The following NR6A1 variants were observed in gnomAD, a reference collection of about 807,000 sequenced individuals.
The protein encoded by NR6A1 is nuclear receptor subfamily 6 group A member 1.
In NR6A1, 7 loss-of-function variants were observed where a neutral mutation model predicts 59.1. That is an observed-to-expected ratio of 0.12 (90% confidence interval 0.07 to 0.22). The LOEUF is 0.22. Ranked by LOEUF, NR6A1 falls within the 10% of genes least tolerant of loss-of-function variation. The pLI is 1.00. For synonymous variants in NR6A1, 243 were observed against 236.1 expected, an observed-to-expected ratio of 1.03 and a Z score of -0.27; for missense variants, 468 against 611.6, an observed-to-expected ratio of 0.77 and a Z score of 2.48.
Position 124,771,056 on chromosome 9 carries a change from C to T in NR6A1, c.64G>A (p.Glu22Lys). The T allele has an allele frequency of 8.1e-7, 1 of 1,230,554 alleles. No homozygotes were observed. Among genetic ancestry groups the T allele is most frequent in the Non-Finnish European group, 1.0e-6 (1 of 987,188 alleles). 76.2% of individuals were successfully genotyped at this position (1,230,554 alleles called of 1,614,324 possible). The change falls in exon 1 of 10, where the codon GAG becomes AAG. Residue 22 changes from glutamate to lysine, a missense_variant. By Grantham distance (56) the Glu-to-Lys change is moderately conservative. Transcript: ENST00000487099. Reference sequence around the variant, plus strand: ...GGCGGAGGGAGCGCGGCGGGAGGCTCCAGGAACCCCGCCGAGCCCCCGCCG... The same window carrying T: ...GGCGGAGGGAGCGCGGCGGGAGGCTTCAGGAACCCCGCCGAGCCCCCGCCG... ...GGGGGSAGFL[E>K]PPAALPPPPR... is the part of the protein sequence containing the mutation.
chr9:124,751,736 C>A (rs1840503646), intron 1 of NR6A1, among the ~76,000 whole-genome samples: 4 of 152,116 alleles, frequency 2.6e-5, no homozygotes, highest in Non-Finnish European at 5.9e-5. Flanking sequence ...AGAGATATGG[C>A]TAGCATAGAC....
intron 2 of NR6A1, among the ~76,000 whole-genome samples, chr9:124,590,712 C>CAATG (rs1388628054): frequency 6.6e-6 from 1 of 152,182 alleles, no homozygotes; most frequent in Non-Finnish European, 1.5e-5. Context: ...GTTAGTAAGG[C>CAATG]AATGATTAGC....
intron 2 of NR6A1, chr9:124,599,415 G>T (rs1454736189): frequency 5.4e-6 from 2 of 370,786 alleles, no homozygotes; most frequent in East Asian, 8.1e-5. Flanking sequence ...GCGATACATG[G>T]TCTCAAAAAA....
chr9:124,725,986 G>A (rs1314187267), intron 2 of NR6A1, among the ~76,000 whole-genome samples: 1 of 152,050 alleles, frequency 6.6e-6, no homozygotes, highest in Non-Finnish European at 1.5e-5. Context: ...GCTACTTAAG[G>A]GAAAAGAAGG....
chr9:124,604,004 C>G (rs1264626847), intron 2 of NR6A1, among the ~76,000 whole-genome samples: 1 of 152,202 alleles, frequency 6.6e-6, no homozygotes, highest in Non-Finnish European at 1.5e-5. Flanking sequence ...AAAAATTGAA[C>G]TCTCTAAGGA....
At chr9:124,703,808 G>C (rs963271867) in intron 2 of NR6A1, among the ~76,000 whole-genome samples, 2 of 148,706 alleles carry the variant, frequency 1.3e-5, no homozygotes, top group Non-Finnish European at 3.0e-5. Context: ...ATTTGTTAAG[G>C]ATTAGTATTA....
chr9:124,736,383 C>T (rs1840020872), intron 1 of NR6A1, among the ~76,000 whole-genome samples: 2 of 152,162 alleles, frequency 1.3e-5, no homozygotes. Flanking sequence ...TTAAGATGGA[C>T]ATCTATTGCT....
At chr9:124,766,401 G>A (rs1421702782) in intron 1 of NR6A1, among the ~76,000 whole-genome samples, 1 of 152,224 alleles carries the variant, frequency 6.6e-6, no homozygotes, top group Non-Finnish European at 1.5e-5. Context: ...TATGTGGGCA[G>A]ATTAGATAGC....
chr9:124,752,176 T>C (rs1840519045), intron 1 of NR6A1, among the ~76,000 whole-genome samples: 1 of 152,004 alleles, frequency 6.6e-6, no homozygotes, highest in South Asian at 2.1e-4. Context: ...TCCTGAAGCA[T>C]GAGAATGGCT....
chr9:124,668,276 C>A (rs1473478286), intron 2 of NR6A1, among the ~76,000 whole-genome samples: 5 of 152,074 alleles, frequency 3.3e-5, no homozygotes, highest in Admixed American at 2.6e-4. Context: ...TGCCTTCACA[C>A]TGAGTAGGCC....
chr9:124,529,617 G>A (rs1235895186), intron 7 of NR6A1, among the ~76,000 whole-genome samples: 1 of 152,176 alleles, frequency 6.6e-6, no homozygotes, highest in Non-Finnish European at 1.5e-5. Flanking sequence ...CCTTGATCCT[G>A]TCTTGTTCTT....
chr9:124,669,500 T>C (rs1388841436), intron 2 of NR6A1, among the ~76,000 whole-genome samples: 1 of 152,214 alleles, frequency 6.6e-6, no homozygotes, highest in Non-Finnish European at 1.5e-5. Context: ...CCCTCTTATA[T>C]CACAGAACAT....
intron 2 of NR6A1, among the ~76,000 whole-genome samples, chr9:124,686,371 C>A (rs937685031): frequency 1.4e-4 from 22 of 152,320 alleles, no homozygotes; most frequent in African/African-American, 4.8e-4. Flanking sequence ...CTTTTAAAAT[C>A]TCGGCCAACA....
chr9:124,712,602 T>C (rs1381781538), intron 2 of NR6A1, among the ~76,000 whole-genome samples: 1 of 122,818 alleles, frequency 8.1e-6, no homozygotes, highest in Non-Finnish European at 1.8e-5. Context: ...AACAAGACCC[T>C]GTCTCAAAAA....
intron 2 of NR6A1, among the ~76,000 whole-genome samples, chr9:124,574,727 T>G (rs748290281): frequency 2.6e-5 from 4 of 152,192 alleles, no homozygotes; most frequent in Non-Finnish European, 5.9e-5. Flanking sequence ...ATATTCTTGC[T>G]TGGAAATGCC....
At chr9:124,589,586 T>C (rs930380415) in intron 2 of NR6A1, among the ~76,000 whole-genome samples, 17 of 152,404 alleles carry the variant, frequency 1.1e-4, no homozygotes, top group Middle Eastern at 3.4e-3. Context: ...GCCTTTCATT[T>C]GCATTGCTCT....
rs555844145 is a variant in NR6A1, at chr9:124,632,323, G to A, written c.143-77753C>T. On this transcript the variant is annotated intron_variant, in intron 2 of 9. Transcript: ENST00000487099. Reference sequence around the variant, plus strand: ...TTCCTTTTTCTCGACAATCTTGCCAGCGTCTGTTATTTTTTGACTTTTTAA... The same window carrying A: ...TTCCTTTTTCTCGACAATCTTGCCAACGTCTGTTATTTTTTGACTTTTTAA... Among the ~76,000 whole-genome samples the A allele has an allele frequency of 3.3e-5, 5 of 152,272 alleles. No homozygotes were observed. In the South Asian group the frequency reaches 1.0e-3, roughly 32 times the overall value.
At chr9:124,751,047 G>A (rs1330508503) in intron 1 of NR6A1, among the ~76,000 whole-genome samples, 1 of 101,192 alleles carries the variant, frequency 9.9e-6, no homozygotes, top group South Asian at 4.3e-4. Context: ...CCACTTAGGG[G>A]GCCAAGTCAC....
At chr9:124,745,512 A>G (rs1221610105) in intron 1 of NR6A1, among the ~76,000 whole-genome samples, 1 of 151,692 alleles carries the variant, frequency 6.6e-6, no homozygotes, top group African/African-American at 2.4e-5. Context: ...TCTTTACTAA[A>G]AATACAAAAT....
Sources: gnomAD v4.1 joint callset for allele counts (sites outside exome capture counted in the v4.1 genomes callset) on GRCh38, gnomAD v4.1.1 for gene constraint, MANE v1.5 for transcripts, NCBI Gene and HGNC (gene_info 2026-07-23, HGNC 2026-07-21) for gene names.